Variants in RFX3 observed in about 807,000 individuals in gnomAD.
RFX3 encodes the protein regulatory factor X3, also known as transcription factor RFX3.
In RFX3, 14 loss-of-function variants were observed where a neutral mutation model predicts 98.6. The observed-to-expected ratio is 0.14, with a 90% CI of 0.09 to 0.22. RFX3 has a LOEUF of 0.22. RFX3 is among the 10% of genes least tolerant of loss of function. The pLI is 1.00. For synonymous variants in RFX3, 383 were observed against 328.4 expected, an observed-to-expected ratio of 1.17 and a Z score of -1.80; for missense variants, 639 against 926.9, an observed-to-expected ratio of 0.69 and a Z score of 4.03.
At chr9:3,465,101 A>C (rs762322662) in intron 1 of RFX3, among the ~76,000 whole-genome samples, 140 of 151,966 alleles carry the variant, frequency 9.2e-4, no homozygotes, top group Non-Finnish European at 1.8e-3. Context: ...CTAACTCATA[A>C]CAATATGCAG....
chr9:3,260,128 G>C (rs935883880), intron 13 of RFX3, among the ~76,000 whole-genome samples: 13 of 152,020 alleles, frequency 8.6e-5, no homozygotes, highest in African/African-American at 2.7e-4. Flanking sequence ...TATGTACAGA[G>C]CTGTGAAAAG....
intron 15 of RFX3, 126 bp downstream of exon 15, chr9:3,247,906 C>T: frequency 6.2e-7 from 1 of 1,611,220 alleles, no homozygotes; most frequent in East Asian, 2.2e-5. Flanking sequence ...CTCCACAGTC[C>T]CTCCTGGCTC....
chr9:3,485,908 T>C (rs1189552357), intron 1 of RFX3, among the ~76,000 whole-genome samples: 2 of 152,048 alleles, frequency 1.3e-5, no homozygotes, highest in African/African-American at 2.4e-5. Context: ...GCGGATCACC[T>C]GAAGTCGGGA....
intron 2 of RFX3, among the ~76,000 whole-genome samples, chr9:3,366,707 TTTCTTTCTTTCTTTC>T (rs981281268): frequency 8.0e-6 from 1 of 125,120 alleles, no homozygotes; most frequent in Non-Finnish European, 1.7e-5. Flanking sequence ...TCTTTCTTTC[TTTCTTTCTTTCTTTC>T]TTTCTTTCTT....
intron 1 of RFX3, among the ~76,000 whole-genome samples, chr9:3,495,907 T>C (rs1308035823): frequency 1.3e-5 from 2 of 152,088 alleles, no homozygotes; most frequent in Non-Finnish European, 2.9e-5. Context: ...TTATGGTCAC[T>C]TAAGCAACAA....
chr9:3,413,459 G>T (rs13300778), intron 1 of RFX3, among the ~76,000 whole-genome samples: 7,159 of 152,052 alleles, frequency 0.047, 205 homozygotes, highest in Middle Eastern at 0.092. Flanking sequence ...GCTAAGAAGT[G>T]AACACTTTTA....
chr9:3,252,636 G>A (rs1403106698), intron 14 of RFX3, among the ~76,000 whole-genome samples: 2 of 152,162 alleles, frequency 1.3e-5, no homozygotes, highest in Non-Finnish European at 2.9e-5. Context: ...AAGAATACCT[G>A]ATAGGGTCTG....
chr9:3,449,239 GTTTCTAGGCTC>G, intron 1 of RFX3, among the ~76,000 whole-genome samples: 1 of 152,120 alleles, frequency 6.6e-6, no homozygotes, highest in Middle Eastern at 3.2e-3. Context: ...CAAGATCATT[GTTTCTAGGCTC>G]TTCAAGCATA....
chr9:3,337,063 T>C (rs1433776908), intron 3 of RFX3, among the ~76,000 whole-genome samples: 3 of 152,074 alleles, frequency 2.0e-5, no homozygotes, highest in African/African-American at 7.2e-5. Flanking sequence ...TGGGCTGGGA[T>C]AGTGGTAAAG....
intron 2 of RFX3, chr9:3,364,705 C>T (rs1277008291): frequency 6.4e-6 from 1 of 157,200 alleles, no homozygotes; most frequent in African/African-American, 2.4e-5. Context: ...GTTTGGATAT[C>T]CCCATGAAAT....
chr9:3,456,906 T>C (rs944341870), intron 1 of RFX3, among the ~76,000 whole-genome samples: 18 of 151,926 alleles, frequency 1.2e-4, no homozygotes, highest in South Asian at 2.1e-4. Context: ...CCCAGCACTC[T>C]GGGAGGCTGA....
At chr9:3,509,634 T>C (rs1196093034) in intron 1 of RFX3, among the ~76,000 whole-genome samples, 2 of 151,996 alleles carry the variant, frequency 1.3e-5, no homozygotes, top group Non-Finnish European at 1.5e-5. Flanking sequence ...AAATAATCCA[T>C]ATACCAAAAA....
intron 1 of RFX3, among the ~76,000 whole-genome samples, chr9:3,460,529 TAA>T (rs1309870989): frequency 3.9e-5 from 6 of 152,012 alleles, no homozygotes; most frequent in African/African-American, 7.2e-5. Flanking sequence ...ACCAACATTT[TAA>T]AAAATATAAT....
intron 16 of RFX3, among the ~76,000 whole-genome samples, chr9:3,227,072 G>T (rs1376275315): frequency 4.6e-5 from 7 of 152,132 alleles, no homozygotes; most frequent in African/African-American, 1.7e-4. Context: ...GGGGGTAAAT[G>T]GGACCAGCGT....
At chr9:3,507,721 C>G (rs911115366) in intron 1 of RFX3, among the ~76,000 whole-genome samples, 1 of 151,922 alleles carries the variant, frequency 6.6e-6, no homozygotes, top group Admixed American at 6.6e-5. Flanking sequence ...TAAATCATCT[C>G]TAGATTAATT....
At chr9:3,433,429 C>T (rs1025424607) in intron 1 of RFX3, among the ~76,000 whole-genome samples, 2 of 152,154 alleles carry the variant, frequency 1.3e-5, no homozygotes, top group Non-Finnish European at 2.9e-5. Context: ...GCATTTTCTT[C>T]TCTCTAGCTT....
chr9:3,402,879 G>A (rs1225706353), intron 1 of RFX3, among the ~76,000 whole-genome samples: 2 of 151,668 alleles, frequency 1.3e-5, no homozygotes, highest in African/African-American at 4.8e-5. Context: ...AGCTATTCTG[G>A]AGTAGATAAT....
intron 5 of RFX3, among the ~76,000 whole-genome samples, chr9:3,300,256 C>A (rs1484525446): frequency 6.6e-6 from 1 of 151,600 alleles, no homozygotes; most frequent in Non-Finnish European, 1.5e-5. Flanking sequence ...ATTTCTTAAA[C>A]TCTTTCAAAA....
Position 3,420,954 on chromosome 9 carries a change from C to T in RFX3, c.-8-25358G>A, listed in dbSNP as rs116342870. 1.3e-3 allele frequency: 1,284 copies of T among 975,180 alleles called. 11 individuals carry two copies. In the African/African-American group the frequency reaches 0.022, roughly 17 times the overall value. The allele number at this position is 975,180 out of a possible 1,614,324, so 60.4% of individuals were successfully genotyped here. ...CATCTGTAAAGTTCTGTGGCTACAA[C>T]AGAAACTAGCCTAAGGAGTAATGAA... On this transcript the variant is annotated intron_variant, in intron 1 of 16. Coordinates refer to ENST00000617270, the MANE Select transcript of RFX3 (RefSeq NM_001282116.2).
Sources: gnomAD v4.1 joint callset for allele counts (sites outside exome capture counted in the v4.1 genomes callset) on GRCh38, gnomAD v4.1.1 for gene constraint, MANE v1.5 for transcripts, NCBI Gene and HGNC (gene_info 2026-07-23, HGNC 2026-07-21) for gene names.